EPHA5: variants seen among roughly 807,000 people sequenced by gnomAD.
EPHA5 encodes ephrin type-A receptor 5.
A neutral mutation model predicts 105.0 loss-of-function variants in EPHA5; 60 were observed. That is an observed-to-expected ratio of 0.57 (90% CI 0.46 to 0.71). The LOEUF (loss-of-function observed/expected upper bound fraction) is 0.71. Among genes scored for constraint, EPHA5 ranks in the 30% least tolerant of loss-of-function variants. The pLI, the probability that EPHA5 is intolerant of heterozygous loss-of-function variation, is 0.00. For synonymous variants in EPHA5, 513 were observed against 449.1 expected, an observed-to-expected ratio of 1.14 and a Z score of -1.80; for missense variants, 1,218 against 1,274.7, an observed-to-expected ratio of 0.96 and a Z score of 0.68.
intron 8 of EPHA5, among the ~76,000 whole-genome samples, chr4:65,403,201 C>G (rs1048364384): frequency 6.6e-6 from 1 of 152,078 alleles, no homozygotes; most frequent in African/African-American, 2.4e-5. Flanking sequence ...TAAAAATAAA[C>G]TGTTACTTCT....
At chr4:65,588,936 T>C (rs1742375848) in intron 3 of EPHA5, among the ~76,000 whole-genome samples, 1 of 152,158 alleles carries the variant, frequency 6.6e-6, no homozygotes, top group Non-Finnish European at 1.5e-5. Flanking sequence ...CAGCACTTTA[T>C]CTAGGATTAT....
intron 3 of EPHA5, among the ~76,000 whole-genome samples, chr4:65,562,678 T>C (rs189681115): frequency 6.2e-4 from 94 of 152,202 alleles, no homozygotes; most frequent in African/African-American, 2.3e-3. Context: ...ACTTTTTCTA[T>C]TACGTTACAA....
chr4:65,496,251 T>A (rs905186001), intron 3 of EPHA5, among the ~76,000 whole-genome samples: 1 of 152,062 alleles, frequency 6.6e-6, no homozygotes, highest in African/African-American at 2.4e-5. Context: ...TATTATACTT[T>A]AAGTTTTAGG....
intron 4 of EPHA5, among the ~76,000 whole-genome samples, chr4:65,494,970 A>C (rs962674036): frequency 1.4e-5 from 2 of 146,666 alleles, no homozygotes; most frequent in African/African-American, 2.5e-5. Flanking sequence ...GAAGAAGAAG[A>C]GGAGGAGGAG....
intron 5 of EPHA5, among the ~76,000 whole-genome samples, chr4:65,450,052 G>A (rs1041252001): frequency 4.6e-5 from 7 of 152,100 alleles, no homozygotes; most frequent in Non-Finnish European, 5.9e-5. Context: ...ATAGATAAAC[G>A]TTTAAAGCAT....
At chr4:65,326,501 C>A (rs1720094128) in intron 16 of EPHA5, among the ~76,000 whole-genome samples, 1 of 151,508 alleles carries the variant, frequency 6.6e-6, no homozygotes, top group African/African-American at 2.4e-5. Context: ...GTCACCAAAT[C>A]TGACCATAGT....
At position 65,406,181 on chromosome 4, in the gene EPHA5, C is replaced by G. The variant is rs573899886; in HGVS notation, c.1688-1702G>C. On this transcript the variant is annotated intron_variant, in intron 7 of 16. Transcript: ENST00000613740. ...CTACTCTGCTGCTTACAAGCCTAAG[C>G]AGATATCACCTTTAGGGAGAAATAA... Among the ~76,000 whole-genome samples, 6 of 152,266 alleles carry G rather than the reference C, an allele frequency of 3.9e-5. No individual in the cohort carries two copies. The South Asian group carries it at 1.2e-3, about 32-fold the overall frequency.
chr4:65,443,346 T>C (rs1444928642), intron 5 of EPHA5, among the ~76,000 whole-genome samples: 1 of 151,668 alleles, frequency 6.6e-6, no homozygotes, highest in East Asian at 1.9e-4. Context: ...AGATGGAATC[T>C]TGTTAGAAAA....
chr4:65,477,055 C>G (rs1433530939), intron 5 of EPHA5, among the ~76,000 whole-genome samples: 1 of 152,140 alleles, frequency 6.6e-6, no homozygotes, highest in Non-Finnish European at 1.5e-5. Flanking sequence ...ACTATTTTAA[C>G]AATCACGAGT....
intron 3 of EPHA5, among the ~76,000 whole-genome samples, chr4:65,585,936 G>A (rs959824072): frequency 1.1e-4 from 17 of 150,582 alleles, no homozygotes; most frequent in African/African-American, 3.6e-4. Context: ...TTTTTTCTAC[G>A]TCAAATACAC....
chr4:65,579,813 C>T (rs1441558492), intron 3 of EPHA5, among the ~76,000 whole-genome samples: 1 of 151,836 alleles, frequency 6.6e-6, no homozygotes, highest in Non-Finnish European at 1.5e-5. Context: ...AATAGAACCT[C>T]CTGAGTTAGC....
intron 8 of EPHA5, among the ~76,000 whole-genome samples, chr4:65,387,461 T>C (rs1720218602): frequency 1.3e-5 from 2 of 151,966 alleles, no homozygotes; most frequent in South Asian, 4.1e-4. Context: ...TACAGGGTGG[T>C]AAAATGCACA....
chr4:65,357,185 G>A (rs7680247), intron 11 of EPHA5, among the ~76,000 whole-genome samples: 144,801 of 151,424 alleles, frequency 0.96, 69,473 homozygotes, highest in Non-Finnish European at 1. Flanking sequence ...CAATGTTATG[G>A]ATTTATATTA....
At chr4:65,587,960 G>A (rs1458338794) in intron 3 of EPHA5, among the ~76,000 whole-genome samples, 1 of 152,044 alleles carries the variant, frequency 6.6e-6, no homozygotes, top group African/African-American at 2.4e-5. Flanking sequence ...TCTAAGTCAA[G>A]GTGACAAAAT....
At chr4:65,548,423 T>A (rs1237009276) in intron 3 of EPHA5, among the ~76,000 whole-genome samples, 1 of 151,192 alleles carries the variant, frequency 6.6e-6, no homozygotes, top group African/African-American at 2.4e-5. Context: ...AAACAAGGTA[T>A]GAGACAAAGA....
At chr4:65,409,788 G>A (rs891493094) in intron 7 of EPHA5, among the ~76,000 whole-genome samples, 1 of 152,088 alleles carries the variant, frequency 6.6e-6, no homozygotes, top group Non-Finnish European at 1.5e-5. Flanking sequence ...AGTATGGTAG[G>A]CAAATAAGTG....
At chr4:65,641,855 C>T (rs1747698020) in intron 2 of EPHA5, among the ~76,000 whole-genome samples, 1 of 151,924 alleles carries the variant, frequency 6.6e-6, no homozygotes, top group Non-Finnish European at 1.5e-5. Context: ...AAAAAAAAGA[C>T]AGCATGAAGT....
At chr4:65,614,148 A>G (rs935707403) in intron 2 of EPHA5, among the ~76,000 whole-genome samples, 2 of 151,870 alleles carry the variant, frequency 1.3e-5, no homozygotes, top group African/African-American at 4.8e-5. Context: ...GTCTCACTAT[A>G]TTGTCCCTTA....
At chr4:65,576,063 GAAAAGAAAA>G (rs1560721183) in intron 3 of EPHA5, among the ~76,000 whole-genome samples, 2 of 56,050 alleles carry the variant, frequency 3.6e-5, no homozygotes, top group Non-Finnish European at 3.4e-5. Flanking sequence ...AGAAAGAAAA[GAAAAGAAAA>G]GAAAAGAAAA....
Sources: gnomAD v4.1 joint callset for allele counts (sites outside exome capture counted in the v4.1 genomes callset) on GRCh38, gnomAD v4.1.1 for gene constraint, MANE v1.5 for transcripts, NCBI Gene and HGNC (gene_info 2026-07-23, HGNC 2026-07-21) for gene names.